CCDC7: variants seen among roughly 807,000 people sequenced by gnomAD.
CCDC7 encodes coiled-coil domain-containing protein 7.
A neutral mutation model predicts 196.9 loss-of-function variants in CCDC7; 183 were observed. The observed-to-expected ratio is 0.93, with a 90% CI of 0.82 to 1.05. CCDC7 has a LOEUF of 1.05. Among genes scored for constraint, CCDC7 ranks in the 50% least tolerant of loss-of-function variants. CCDC7 has a pLI of 0.00. For synonymous variants in CCDC7, 525 were observed against 484.6 expected, an observed-to-expected ratio of 1.08 and a Z score of -1.10; for missense variants, 1,540 against 1,482.2, an observed-to-expected ratio of 1.04 and a Z score of -0.64.
intron 18 of CCDC7, among the ~76,000 whole-genome samples, chr10:32,625,503 G>A (rs898979200): frequency 4.0e-5 from 6 of 151,554 alleles, no homozygotes; most frequent in African/African-American, 1.5e-4. Flanking sequence ...GGGGTATAAA[G>A]CAATGTTATG....
chr10:32,878,144 G>T (rs2094655262), downstream of CCDC7, among the ~76,000 whole-genome samples: 1 of 152,106 alleles, frequency 6.6e-6, no homozygotes, highest in South Asian at 2.1e-4. Flanking sequence ...TACAGTATGG[G>T]AGGTATGACT....
At chr10:32,756,186 G>A (rs943954111) in intron 28 of CCDC7, among the ~76,000 whole-genome samples, 1 of 152,170 alleles carries the variant, frequency 6.6e-6, no homozygotes, top group African/African-American at 2.4e-5. Flanking sequence ...ACACTCTTCT[G>A]GATATTATCC....
At chr10:32,451,775 C>T (rs1317694408) in exon 1 of CCDC7, 1 of 1,613,982 alleles carries the variant, frequency 6.2e-7, no homozygotes, top group African/African-American at 1.3e-5. Context: ...AAAATTAATT[C>T]ATGATAAAAT....
At chr10:32,678,792 T>C (rs1277225433) in intron 21 of CCDC7, among the ~76,000 whole-genome samples, 1 of 152,190 alleles carries the variant, frequency 6.6e-6, no homozygotes, top group East Asian at 1.9e-4. Context: ...TGAGTAGAGA[T>C]GAAACTGTTC....
intron 30 of CCDC7, among the ~76,000 whole-genome samples, chr10:32,812,518 T>C (rs2087384798): frequency 6.6e-6 from 1 of 152,114 alleles, no homozygotes; most frequent in Non-Finnish European, 1.5e-5. Context: ...GAATTTAGTA[T>C]AAATTTAAAG....
At chr10:32,484,475 C>G (rs532662635) in intron 8 of CCDC7, among the ~76,000 whole-genome samples, 24 of 152,068 alleles carry the variant, frequency 1.6e-4, no homozygotes, top group Non-Finnish European at 2.2e-4. Flanking sequence ...TTTCCTAATT[C>G]AATACCCTTT....
intron 18 of CCDC7, among the ~76,000 whole-genome samples, chr10:32,592,802 T>A (rs1377870822): frequency 2.0e-5 from 3 of 152,218 alleles, no homozygotes; most frequent in Non-Finnish European, 4.4e-5. Flanking sequence ...ACGTGGTGTT[T>A]GGATTTCTGT....
intron 28 of CCDC7, among the ~76,000 whole-genome samples, chr10:32,758,864 A>C (rs147773559): frequency 0.033 from 5,046 of 152,302 alleles, 104 homozygotes; most frequent in Non-Finnish European, 0.05. Flanking sequence ...TTTCAGCCCA[A>C]AATCTCCTTA....
chr10:32,687,999 T>A (rs1017426174), intron 22 of CCDC7, among the ~76,000 whole-genome samples: 1 of 152,188 alleles, frequency 6.6e-6, no homozygotes, highest in Non-Finnish European at 1.5e-5. Context: ...GAACTCATCA[T>A]GAGTGGGCCA....
chr10:32,730,768 C>T (rs983622691), intron 28 of CCDC7, among the ~76,000 whole-genome samples: 43 of 151,912 alleles, frequency 2.8e-4, no homozygotes, highest in African/African-American at 9.9e-4. Context: ...AGCCTTCCTT[C>T]TTGTAGTCCA....
At chr10:32,773,639 A>G (rs2079517682) in intron 28 of CCDC7, among the ~76,000 whole-genome samples, 1 of 152,114 alleles carries the variant, frequency 6.6e-6, no homozygotes, top group African/African-American at 2.4e-5. Context: ...AAAGTAGATT[A>G]TTCTGAATTA....
At chr10:32,521,884 C>T (rs2047934257) in intron 11 of CCDC7, among the ~76,000 whole-genome samples, 4 of 152,012 alleles carry the variant, frequency 2.6e-5, no homozygotes, top group African/African-American at 9.7e-5. Flanking sequence ...CTTCTGTAGC[C>T]AGTTTTTAGA....
chr10:32,647,916 G>T (rs556518792), intron 20 of CCDC7, among the ~76,000 whole-genome samples: 1 of 152,360 alleles, frequency 6.6e-6, no homozygotes, highest in South Asian at 2.1e-4. Flanking sequence ...CCTATGCCAA[G>T]AAAAATATTT....
intron 21 of CCDC7, among the ~76,000 whole-genome samples, chr10:32,675,343 A>C (rs1274367137): frequency 1.4e-5 from 2 of 146,140 alleles, no homozygotes; most frequent in East Asian, 2.0e-4. Context: ...AAAATGGTCT[A>C]TTTTAAATTG....
chr10:32,545,937 C>G (rs1178351623), intron 13 of CCDC7, among the ~76,000 whole-genome samples: 3 of 149,152 alleles, frequency 2.0e-5, no homozygotes, highest in Admixed American at 6.7e-5. Context: ...AAGATGTAGC[C>G]TCTGGAAAAA....
intron 24 of CCDC7, among the ~76,000 whole-genome samples, chr10:32,701,436 T>C (rs1198114374): frequency 6.6e-6 from 1 of 152,230 alleles, no homozygotes; most frequent in African/African-American, 2.4e-5. Flanking sequence ...TTATTGAGGA[T>C]TTTTACATCC....
At chr10:32,622,923 G>A (rs1192264906) in intron 18 of CCDC7, among the ~76,000 whole-genome samples, 1 of 152,026 alleles carries the variant, frequency 6.6e-6, no homozygotes, top group Non-Finnish European at 1.5e-5. Flanking sequence ...TGCAAGGTTG[G>A]CTTAACACTT....
chr10:32,764,368 T>C (rs2077935883), intron 28 of CCDC7, among the ~76,000 whole-genome samples: 1 of 151,886 alleles, frequency 6.6e-6, no homozygotes, highest in Non-Finnish European at 1.5e-5. Flanking sequence ...GGAATATGTT[T>C]GGGAATCAAT....
intron 29 of CCDC7, among the ~76,000 whole-genome samples, chr10:32,793,350 A>T (rs903584989): frequency 6.6e-6 from 1 of 152,222 alleles, no homozygotes; most frequent in African/African-American, 2.4e-5. Flanking sequence ...AAGGGAGGAC[A>T]TGGAATTATT....
Sources: allele counts gnomAD v4.1 joint callset (sites outside exome capture counted in the v4.1 genomes callset), GRCh38; gene constraint gnomAD v4.1.1; transcripts MANE v1.5; gene names NCBI Gene and HGNC (gene_info 2026-07-23, HGNC 2026-07-21).